NCKAP5: variants seen among roughly 807,000 people sequenced by gnomAD.
The protein encoded by NCKAP5 is nck-associated protein 5.
NCKAP5 carries 92 observed loss-of-function variants against 167.0 expected under a neutral mutation model. That is an observed-to-expected ratio of 0.55 (90% CI 0.47 to 0.66). The LOEUF (loss-of-function observed/expected upper bound fraction) is 0.66. NCKAP5 is among the 30% of genes least tolerant of loss of function. NCKAP5 has a pLI of 0.00. For synonymous variants in NCKAP5, 891 were observed against 877.4 expected (o/e 1.02, Z -0.27); for missense variants, 2,378 against 2,315.0 (o/e 1.03, Z -0.56).
chr2:132,939,272 C>G (rs541401803), intron 8 of NCKAP5, among the ~76,000 whole-genome samples: 4 of 152,158 alleles, frequency 2.6e-5, no homozygotes, highest in Non-Finnish European at 5.9e-5. Context: ...AATTAGAAGC[C>G]TGGGCCAGGC....
chr2:132,916,529 G>C (rs2148977809), intron 8 of NCKAP5, among the ~76,000 whole-genome samples: 1 of 152,212 alleles, frequency 6.6e-6, no homozygotes, highest in Non-Finnish European at 1.5e-5. Flanking sequence ...AAGAATGACT[G>C]GCGTGTAGAT....
At chr2:133,265,528 A>C (rs1326811273) in intron 4 of NCKAP5, among the ~76,000 whole-genome samples, 1 of 152,180 alleles carries the variant, frequency 6.6e-6, no homozygotes, top group Non-Finnish European at 1.5e-5. Flanking sequence ...CTGACCATCA[A>C]TCAGCATTAA....
chr2:132,813,573 C>T (rs914801728), intron 11 of NCKAP5, among the ~76,000 whole-genome samples: 4 of 152,174 alleles, frequency 2.6e-5, no homozygotes, highest in Non-Finnish European at 5.9e-5. Flanking sequence ...CTCCAGTGAT[C>T]CGTAATTGCT....
chr2:133,289,332 T>C (rs549610678), intron 4 of NCKAP5, among the ~76,000 whole-genome samples: 3 of 152,300 alleles, frequency 2.0e-5, no homozygotes, highest in South Asian at 2.1e-4. Flanking sequence ...GCCTTTTTTT[T>C]CCATTGTCTT....
In NCKAP5 at chr2:132,830,952, A is replaced by G. The variant is rs148715490; in HGVS notation, c.807+29540T>C. 6.3e-3 allele frequency among the ~76,000 whole-genome samples: 962 copies of G among 152,218 alleles called. 6 individuals are homozygous for G. Among genetic ancestry groups the G allele is most frequent in the East Asian group, 7.0e-3 (36 of 5,172 alleles). On this transcript the variant is annotated intron_variant, in intron 11 of 19. Transcript: ENST00000409261. ...CTGTTGTCTCCTGCCAGAAGTAACC[A>G]TTGTTTATATTTGATGTGGATCCTT...
chr2:133,638,827 C>T, the NCKAP5 span, among the ~76,000 whole-genome samples: 1 of 146,824 alleles, frequency 6.8e-6, no homozygotes, highest in Admixed American at 6.9e-5. Flanking sequence ...CACTGCGCTC[C>T]AGCCTGGGTG....
intron 2 of NCKAP5, chr2:133,556,769 C>T (rs988675493): frequency 1.3e-5 from 2 of 152,128 alleles, no homozygotes; most frequent in Non-Finnish European, 2.9e-5. Flanking sequence ...GAGGAGTGAC[C>T]TTTGCCTTGA....
the NCKAP5 span, among the ~76,000 whole-genome samples, chr2:133,589,024 G>A: frequency 6.6e-6 from 1 of 152,220 alleles, no homozygotes; most frequent in African/African-American, 2.4e-5. Context: ...AGCAACTCTG[G>A]CTTGGACTCC....
intron 19 of NCKAP5, among the ~76,000 whole-genome samples, chr2:132,710,026 A>T (rs181064190): frequency 2.0e-5 from 3 of 152,288 alleles, no homozygotes; most frequent in Non-Finnish European, 2.9e-5. Context: ...AAAAAATATC[A>T]TAGCTATATA....
In NCKAP5 at chr2:133,468,316, C is replaced by T. The variant is rs181588605; in HGVS notation, c.69+49142G>A. ...GTTGTTCAGTTTCTATGTAGTTGAG[C>T]GGTTTTGAGTGAGATTCTTAATCCT... is the stretch of plus-strand genomic sequence containing the variant. On this transcript the variant is annotated intron_variant, in intron 3 of 19. Transcript: ENST00000409261. 5.9e-3 allele frequency among the ~76,000 whole-genome samples: 861 copies of T among 144,968 alleles called. 17 individuals are homozygous for T. Among genetic ancestry groups the T allele is most frequent in the Admixed American group, 0.014 (199 of 14,334 alleles).
chr2:132,860,991 G>A (rs77577924), intron 10 of NCKAP5, among the ~76,000 whole-genome samples: 2,141 of 152,102 alleles, frequency 0.014, 48 homozygotes, highest in African/African-American at 0.049. Flanking sequence ...TTTCTGCAGG[G>A]AATAGAGATT....
intron 5 of NCKAP5, among the ~76,000 whole-genome samples, chr2:133,210,928 C>T (rs1386047712): frequency 6.6e-6 from 1 of 152,066 alleles, no homozygotes; most frequent in Non-Finnish European, 1.5e-5. Context: ...CAATGGTTCC[C>T]ATCTCTCAAA....
At chr2:133,468,710 T>C (rs1692798842) in intron 3 of NCKAP5, among the ~76,000 whole-genome samples, 1 of 152,246 alleles carries the variant, frequency 6.6e-6, no homozygotes. Context: ...TGGGTGCATA[T>C]ATATTTAGGA....
chr2:133,620,212 A>G, the NCKAP5 span, among the ~76,000 whole-genome samples: 1 of 152,082 alleles, frequency 6.6e-6, no homozygotes, highest in Non-Finnish European at 1.5e-5. Flanking sequence ...AATATAGCAC[A>G]ATGAATAGAA....
intron 16 of NCKAP5, among the ~76,000 whole-genome samples, chr2:132,754,414 G>C (rs1680367396): frequency 6.6e-6 from 1 of 152,056 alleles, no homozygotes; most frequent in Non-Finnish European, 1.5e-5. Flanking sequence ...AATGCACATG[G>C]GTTGACTAGT....
chr2:133,178,723 G>T (rs1408337842), intron 5 of NCKAP5, among the ~76,000 whole-genome samples: 3 of 150,580 alleles, frequency 2.0e-5, no homozygotes, highest in Admixed American at 6.6e-5. Context: ...TACTCGGGAG[G>T]CTGAGGCAGG....
intron 2 of NCKAP5, among the ~76,000 whole-genome samples, chr2:133,558,479 GC>G (rs1308584273): frequency 6.6e-6 from 1 of 151,992 alleles, no homozygotes; most frequent in Non-Finnish European, 1.5e-5. Context: ...GAAGGGAGCA[GC>G]CAGGGAAGAT....
At chr2:132,866,461 G>A (rs1690363078) in intron 10 of NCKAP5, among the ~76,000 whole-genome samples, 1 of 152,080 alleles carries the variant, frequency 6.6e-6, no homozygotes, top group Non-Finnish European at 1.5e-5. Context: ...GTTCTAAAGG[G>A]GTACAGTCCA....
At chr2:133,004,996 A>G (rs2077914086) in intron 6 of NCKAP5, among the ~76,000 whole-genome samples, 1 of 152,160 alleles carries the variant, frequency 6.6e-6, no homozygotes, top group African/African-American at 2.4e-5. Context: ...AGGCAGTCAG[A>G]CCTTATGGTT....
Sources: allele counts gnomAD v4.1 joint callset (sites outside exome capture counted in the v4.1 genomes callset), GRCh38; gene constraint gnomAD v4.1.1; transcripts MANE v1.5; gene names NCBI Gene and HGNC (gene_info 2026-07-23, HGNC 2026-07-21).